The following ST8SIA1 variants were observed in gnomAD, a reference collection of about 807,000 sequenced individuals.
ST8SIA1 encodes alpha-N-acetylneuraminide alpha-2,8-sialyltransferase.
Under a neutral mutation model 35.9 loss-of-function variants are expected in ST8SIA1, and 16 were observed. That is an observed-to-expected ratio of 0.45 (90% CI 0.30 to 0.68). The LOEUF is 0.68. Among genes scored for constraint, ST8SIA1 ranks in the 30% least tolerant of loss-of-function variants. The probability of loss-of-function intolerance (pLI) is 0.09; values close to 1 mark genes in which losing one functional copy is unlikely to be tolerated. For missense variants in ST8SIA1, 383 were observed against 453.6 expected, an observed-to-expected ratio of 0.84 and a Z score of 1.41; for synonymous variants, 170 against 169.6, an observed-to-expected ratio of 1.00 and a Z score of -0.02.
intron 4 of ST8SIA1, among the ~76,000 whole-genome samples, chr12:22,209,774 T>C (rs1591824368): frequency 1.3e-5 from 2 of 152,218 alleles, no homozygotes; most frequent in South Asian, 2.1e-4. Context: ...TTTGTTGTAT[T>C]CTTTTTATAT....
At chr12:22,261,752 T>G (rs189723281) in intron 2 of ST8SIA1, among the ~76,000 whole-genome samples, 2 of 152,280 alleles carry the variant, frequency 1.3e-5, no homozygotes, top group East Asian at 3.9e-4. Flanking sequence ...CCATCCAGTG[T>G]GTTGCTTCTG....
chr12:22,268,641 T>A (rs887039680), intron 2 of ST8SIA1: 1 of 152,164 alleles, frequency 6.6e-6, no homozygotes, highest in African/African-American at 2.4e-5. Context: ...AAGCCCGTTA[T>A]AAACCCATCA....
chr12:22,319,230 T>C (rs1475656506), intron 1 of ST8SIA1, among the ~76,000 whole-genome samples: 1 of 152,220 alleles, frequency 6.6e-6, no homozygotes. Context: ...ATAGCAACTC[T>C]ATTACTGAAA....
chr12:22,236,711 A>ATT (rs1865479584), intron 4 of ST8SIA1, among the ~76,000 whole-genome samples: 1 of 152,164 alleles, frequency 6.6e-6, no homozygotes, highest in Admixed American at 6.5e-5. Flanking sequence ...CTATTCAAAT[A>ATT]TTTATTTACT....
chr12:22,275,659 C>T (rs1280187989), intron 2 of ST8SIA1, among the ~76,000 whole-genome samples: 1 of 152,178 alleles, frequency 6.6e-6, no homozygotes, highest in Admixed American at 6.5e-5. Flanking sequence ...CCTTGTGTGA[C>T]ACTCTAAGGG....
intron 2 of ST8SIA1, among the ~76,000 whole-genome samples, chr12:22,264,173 T>C (rs1865821628): frequency 1.3e-5 from 2 of 152,146 alleles, no homozygotes; most frequent in African/African-American, 4.8e-5. Context: ...TCATATTTAA[T>C]TATAGCCCCC....
At chr12:22,327,861 T>C (rs1246467946) in intron 1 of ST8SIA1, among the ~76,000 whole-genome samples, 10 of 152,208 alleles carry the variant, frequency 6.6e-5, no homozygotes, top group Admixed American at 3.9e-4. Context: ...CTCCTTTCTC[T>C]AAACAGTCAA....
At position 22,255,385 on chromosome 12, in the gene ST8SIA1, G is replaced by T. The variant is rs759095805; in HGVS notation, c.386C>A (p.Thr129Asn). ...TTTCTTCAATGGCAGCTGGAATGGGGTTGCCTAGCAACAGAAAACAAGGCG... is the reference window on the plus strand; with the variant it reads ...TTTCTTCAATGGCAGCTGGAATGGGTTTGCCTAGCAACAGAAAACAAGGCG... ...NSTYSLFPQA[T>N]PFQLPLKKCA... Residue 129 changes from threonine to asparagine, a missense_variant, in exon 3 of 5, where the codon ACC becomes AAC. Coordinates refer to ENST00000396037, the MANE Select transcript of ST8SIA1 (RefSeq NM_003034.4). The T allele has an allele frequency of 6.2e-7, 1 of 1,614,024 alleles. No homozygotes were observed. The highest frequency in any genetic ancestry group is 8.5e-7 in the Non-Finnish European group (1 of 1,179,892).
intron 4 of ST8SIA1, among the ~76,000 whole-genome samples, chr12:22,218,873 A>G (rs1417057708): frequency 6.6e-6 from 1 of 151,954 alleles, no homozygotes; most frequent in Non-Finnish European, 1.5e-5. Context: ...GCAAGGAATA[A>G]TAAGTGCAGG....
intron 3 of ST8SIA1, among the ~76,000 whole-genome samples, chr12:22,251,814 G>T (rs1428808810): frequency 6.6e-6 from 1 of 152,214 alleles, no homozygotes; most frequent in Non-Finnish European, 1.5e-5. Context: ...CTTTGAATTG[G>T]GATGTGGAAG....
chr12:22,297,211 C>T (rs1866256870), intron 1 of ST8SIA1, among the ~76,000 whole-genome samples: 1 of 151,788 alleles, frequency 6.6e-6, no homozygotes, highest in South Asian at 2.1e-4. Flanking sequence ...AAAAAAGATA[C>T]AGAAACAGCA....
intron 4 of ST8SIA1, among the ~76,000 whole-genome samples, chr12:22,239,216 G>A (rs1865511496): frequency 6.6e-6 from 1 of 152,090 alleles, no homozygotes; most frequent in South Asian, 2.1e-4. Context: ...TGATCTGCTT[G>A]ATACTTTGTG....
intron 4 of ST8SIA1, among the ~76,000 whole-genome samples, chr12:22,212,352 C>A (rs968690789): frequency 7.9e-5 from 12 of 152,274 alleles, no homozygotes; most frequent in Admixed American, 7.2e-4. Context: ...GGACCATTTT[C>A]CATGTTCATG....
At chr12:22,214,942 C>A (rs184185574) in intron 4 of ST8SIA1, among the ~76,000 whole-genome samples, 7 of 152,284 alleles carry the variant, frequency 4.6e-5, no homozygotes, top group Non-Finnish European at 7.4e-5. Flanking sequence ...TGGCTTCCAA[C>A]TCAGATCAGC....
intron 3 of ST8SIA1, among the ~76,000 whole-genome samples, chr12:22,249,306 C>T (rs1225138265): frequency 6.6e-6 from 1 of 151,286 alleles, no homozygotes; most frequent in Non-Finnish European, 1.5e-5. Context: ...GCAAGCTCCA[C>T]CTGCCGGGTT....
intron 3 of ST8SIA1, among the ~76,000 whole-genome samples, chr12:22,249,350 CT>C (rs1865641632): frequency 6.6e-6 from 1 of 151,726 alleles, no homozygotes; most frequent in East Asian, 1.9e-4. Flanking sequence ...TCCCGAGTAG[CT>C]GGGACTACAG....
chr12:22,245,904 A>G (rs1865595525), intron 4 of ST8SIA1, among the ~76,000 whole-genome samples: 2 of 152,232 alleles, frequency 1.3e-5, no homozygotes, highest in African/African-American at 2.4e-5. Context: ...GAGCTTCCAG[A>G]TAAGAAGGTG....
intron 2 of ST8SIA1, among the ~76,000 whole-genome samples, chr12:22,257,112 A>C (rs1004715385): frequency 6.6e-6 from 1 of 152,220 alleles, no homozygotes; most frequent in African/African-American, 2.4e-5. Flanking sequence ...ATAAATGAGT[A>C]AAATGAGCAG....
At chr12:22,291,939 C>T (rs1866181609) in intron 1 of ST8SIA1, among the ~76,000 whole-genome samples, 1 of 152,066 alleles carries the variant, frequency 6.6e-6, no homozygotes, top group Non-Finnish European at 1.5e-5. Context: ...CATAATTATT[C>T]TGCCAACGAA....
Sources: allele counts gnomAD v4.1 joint callset (sites outside exome capture counted in the v4.1 genomes callset), GRCh38; gene constraint gnomAD v4.1.1; transcripts MANE v1.5; gene names NCBI Gene and HGNC (gene_info 2026-07-23, HGNC 2026-07-21).